Variants in VWC2 observed in about 807,000 individuals in gnomAD.
The protein encoded by VWC2 is brorin.
In VWC2, 14 loss-of-function variants were observed where a neutral mutation model predicts 29.8. The observed-to-expected ratio is 0.47, with a 90% CI of 0.31 to 0.74. VWC2 has a LOEUF of 0.74. Ranked by LOEUF, VWC2 falls within the 30% of genes least tolerant of loss-of-function variation. VWC2 has a pLI of 0.05. For synonymous variants in VWC2, 213 were observed against 199.0 expected (o/e 1.07, Z -0.59); for missense variants, 457 against 459.8 (o/e 0.99, Z 0.05).
chr7:49,834,553 A>G (rs1399255309), intron 3 of VWC2, among the ~76,000 whole-genome samples: 1 of 152,222 alleles, frequency 6.6e-6, no homozygotes, highest in Non-Finnish European at 1.5e-5. Flanking sequence ...TCAGTAGAAA[A>G]TAGGGTTTCT....
intron 2 of VWC2, among the ~76,000 whole-genome samples, chr7:49,794,245 T>C (rs1008562695): frequency 6.6e-6 from 1 of 152,226 alleles, no homozygotes; most frequent in Non-Finnish European, 1.5e-5. Context: ...TATCAGACAT[T>C]CTTTTCATGC....
chr7:49,780,093 C>T (rs536493137), intron 2 of VWC2, among the ~76,000 whole-genome samples: 72 of 152,284 alleles, frequency 4.7e-4, no homozygotes, highest in Non-Finnish European at 8.2e-4. Context: ...ACAGACCTAA[C>T]GAGGTAGTAA....
At chr7:49,866,031 T>C (rs1164653246) in intron 3 of VWC2, among the ~76,000 whole-genome samples, 1 of 152,202 alleles carries the variant, frequency 6.6e-6, no homozygotes, top group Non-Finnish European at 1.5e-5. Flanking sequence ...TTTTTTAAAT[T>C]TTCTTCCTTC....
At chr7:49,861,916 T>C (rs1181457166) in intron 3 of VWC2, among the ~76,000 whole-genome samples, 4 of 152,204 alleles carry the variant, frequency 2.6e-5, no homozygotes, top group Non-Finnish European at 5.9e-5. Flanking sequence ...AAATTGGGAA[T>C]TGTGTGTATT....
At chr7:49,828,177 C>T (rs191553947) in intron 3 of VWC2, among the ~76,000 whole-genome samples, 39 of 152,222 alleles carry the variant, frequency 2.6e-4, no homozygotes, top group African/African-American at 8.4e-4. Context: ...GAGTTTCATC[C>T]GTGCTGTGCC....
At chr7:49,826,445 A>G (rs1234109700) in intron 3 of VWC2, among the ~76,000 whole-genome samples, 1 of 152,248 alleles carries the variant, frequency 6.6e-6, no homozygotes, top group Non-Finnish European at 1.5e-5. Context: ...ACTCACAGAC[A>G]GTCATTCAAT....
Position 49,855,267 on chromosome 7 carries a change from T to A in VWC2, c.826+52427T>A, listed in dbSNP as rs530063616. 1.0e-3 allele frequency among the ~76,000 whole-genome samples: 154 copies of A among 152,290 alleles called. 1 individual carries two copies. The highest frequency in any genetic ancestry group is 2.4e-3 in the Admixed American group (36 of 15,294). On this transcript the variant is annotated intron_variant, in intron 3 of 3. Coordinates refer to ENST00000340652, the MANE Select transcript of VWC2 (RefSeq NM_198570.5). ...ATAAATGGTTGAGGAAAACACTGGGTCATAGTTTATGGACGGTGTAGTCTC... is the reference window on the plus strand; with the variant it reads ...ATAAATGGTTGAGGAAAACACTGGGACATAGTTTATGGACGGTGTAGTCTC...
intron 2 of VWC2, among the ~76,000 whole-genome samples, chr7:49,794,401 C>T (rs1413186747): frequency 2.0e-5 from 3 of 152,160 alleles, no homozygotes; most frequent in South Asian, 4.1e-4. Context: ...GACATTGAGA[C>T]GTAGCAATAT....
rs1334795352 is a variant in VWC2 at position 49,916,740 on chromosome 7, C to T, written c.*4555C>T. 2 of 152,206 alleles carry T rather than the reference C, an allele frequency of 1.3e-5. No homozygotes were observed. The highest frequency in any genetic ancestry group is 4.8e-5 in the African/African-American group (2 of 41,458). 9.4% of individuals were successfully genotyped at this position (152,206 alleles called of 1,614,324 possible). ...GGACAATGTATGTATTAAAGAGCAA[C>T]TAAAAACTCCCATTACTGTTTGCCA... On this transcript the variant is annotated 3_prime_UTR_variant, in exon 4 of 4. Coordinates refer to ENST00000340652, the MANE Select transcript of VWC2 (RefSeq NM_198570.5).
chr7:49,859,751 C>A (rs1048545544), intron 3 of VWC2, among the ~76,000 whole-genome samples: 11 of 152,214 alleles, frequency 7.2e-5, no homozygotes, highest in African/African-American at 2.4e-4. Flanking sequence ...CTATTTCTCC[C>A]TACAGATGTA....
At chr7:49,826,607 A>G (rs1019262430) in intron 3 of VWC2, among the ~76,000 whole-genome samples, 3 of 152,220 alleles carry the variant, frequency 2.0e-5, no homozygotes, top group African/African-American at 4.8e-5. Context: ...CTTAAAGAAG[A>G]AATCATACTA....
chr7:49,829,199 C>T (rs1435310633), intron 3 of VWC2, among the ~76,000 whole-genome samples: 2 of 152,212 alleles, frequency 1.3e-5, no homozygotes, highest in Non-Finnish European at 2.9e-5. Context: ...CAATTCTTCA[C>T]TGGCTTAAAA....
rs542082182 is a variant in VWC2, at chr7:49,866,585, C to T, written c.827-45449C>T. ...GCTTGCCCATGTGACTCAGAAAAGACGGAAAACAGCCTCCTTCTTGATGGG... is the reference window on the plus strand; with the variant it reads ...GCTTGCCCATGTGACTCAGAAAAGATGGAAAACAGCCTCCTTCTTGATGGG... On this transcript the variant is annotated intron_variant, in intron 3 of 3. Coordinates refer to ENST00000340652, the MANE Select transcript of VWC2 (RefSeq NM_198570.5). Among the ~76,000 whole-genome samples, 15 of 152,254 alleles carry T rather than the reference C, an allele frequency of 9.9e-5. No individual in the cohort carries two copies. The East Asian group carries it at 1.4e-3, about 14-fold the overall frequency.
chr7:49,877,475 A>T (rs1156761739), intron 3 of VWC2, among the ~76,000 whole-genome samples: 2 of 17,992 alleles, frequency 1.1e-4, no homozygotes, highest in South Asian at 1.9e-3. Flanking sequence ...AAAAAAAAAA[A>T]AAAAAAATAT....
chr7:49,877,481 A>AAAAAAATATAT, intron 3 of VWC2, among the ~76,000 whole-genome samples: 2 of 12,730 alleles, frequency 1.6e-4, no homozygotes, highest in Admixed American at 1.4e-3. Context: ...AAAAAAAAAA[A>AAAAAAATATAT]ATATATATAT....
chr7:49,910,880 C>T (rs1315620337), intron 3 of VWC2, among the ~76,000 whole-genome samples: 2 of 152,108 alleles, frequency 1.3e-5, no homozygotes, highest in African/African-American at 4.8e-5. Context: ...ATTCTCAGGC[C>T]CCAACCCAAA....
At chr7:49,871,722 AG>A (rs1791153779) in intron 3 of VWC2, among the ~76,000 whole-genome samples, 1 of 152,092 alleles carries the variant, frequency 6.6e-6, no homozygotes, top group South Asian at 2.1e-4. Flanking sequence ...AGATCAGGTA[AG>A]GAAAAAAATC....
chr7:49,789,213 G>T (rs539102590), intron 2 of VWC2, among the ~76,000 whole-genome samples: 33 of 150,352 alleles, frequency 2.2e-4, no homozygotes, highest in Non-Finnish European at 1.8e-4. Context: ...GGGTGTGTGT[G>T]TGTGAGTGTG....
chr7:49,789,656 T>G (rs1788418947), intron 2 of VWC2, among the ~76,000 whole-genome samples: 1 of 152,336 alleles, frequency 6.6e-6, no homozygotes, highest in Middle Eastern at 3.4e-3. Context: ...CTGTAATTCT[T>G]TAAAACAAAA....
Sources: allele counts gnomAD v4.1 joint callset (sites outside exome capture counted in the v4.1 genomes callset), GRCh38; gene constraint gnomAD v4.1.1; transcripts MANE v1.5; gene names NCBI Gene and HGNC (gene_info 2026-07-23, HGNC 2026-07-21).